MRPL2: variants seen among roughly 807,000 people sequenced by gnomAD.
MRPL2 encodes large ribosomal subunit protein uL2m.
A neutral mutation model predicts 34.6 loss-of-function variants in MRPL2; 27 were observed. The observed-to-expected ratio is 0.78, with a 90% CI of 0.58 to 1.08. MRPL2 has a LOEUF of 1.08. MRPL2 is among the 50% of genes least tolerant of loss of function. The probability of loss-of-function intolerance (pLI) is 0.00; values close to 1 mark genes in which losing one functional copy is unlikely to be tolerated. For synonymous variants in MRPL2, 155 were observed against 158.0 expected, an observed-to-expected ratio of 0.98 and a Z score of 0.14; for missense variants, 414 against 419.3, an observed-to-expected ratio of 0.99 and a Z score of 0.11.
In MRPL2 at chr6:43,055,532, T is replaced by C. The variant is rs1165150769; in HGVS notation, c.705+13A>G. 2 of 1,613,322 alleles carry C rather than the reference T, an allele frequency of 1.2e-6. No individual in the cohort carries two copies. The highest frequency in any genetic ancestry group is 2.7e-5 in the African/African-American group (2 of 74,884). On this transcript the variant is annotated intron_variant, in intron 6 of 6. Transcript: ENST00000388752. ...CTCCTTTGCTGACCCCTCCCATCCA[T>C]ACCCATACACACCTGCATCTGCCTC...
At chr6:43,055,172 G>A (rs1001162643) in intron 6 of MRPL2, among the ~76,000 whole-genome samples, 1 of 152,072 alleles carries the variant, frequency 6.6e-6, no homozygotes, top group African/African-American at 2.4e-5. Flanking sequence ...AGACCAGCCT[G>A]GCCAACATGG....
In MRPL2 at chr6:43,054,048, T is replaced by A; in HGVS notation, c.*226A>T. 1 of 644,820 alleles carries A rather than the reference T, an allele frequency of 1.6e-6. No homozygotes were observed. Among genetic ancestry groups the A allele is most frequent in the Admixed American group, 3.0e-5 (1 of 33,598 alleles). The allele number at this position is 644,820 out of a possible 1,614,324, so 39.9% of individuals were successfully genotyped here. A position where few individuals can be genotyped will look rare whatever the true frequency, so the allele number is the denominator to read the frequency against. ...GGAAAAGACCTTGGACGTCATTTAT[T>A]TCCATCCCCGGCTCCATTACTTGTA... On this transcript the variant is annotated 3_prime_UTR_variant, in exon 7 of 7. Transcript: ENST00000388752.
chr6:43,055,405 G>T, intron 6 of MRPL2, 140 bp downstream of exon 6: 1 of 759,984 alleles, frequency 1.3e-6, no homozygotes, highest in Non-Finnish European at 2.2e-6. Context: ...AAGCACACCT[G>T]AGTCATGTGG....
At chr6:43,058,307 C>A in intron 1 of MRPL2, 74 bp from the exon 2 acceptor site, 1 of 1,476,464 alleles carries the variant, frequency 6.8e-7, no homozygotes, top group Non-Finnish European at 9.3e-7. Flanking sequence ...AGGCAGAGGG[C>A]ACAGATCAAT....
At chr6:43,055,753 T>C (rs912741632) in intron 5 of MRPL2, 135 bp from the exon 6 acceptor site, 2 of 1,285,202 alleles carry the variant, frequency 1.6e-6, no homozygotes, top group Middle Eastern at 2.0e-4. Context: ...GCATGCTATG[T>C]TTTAGGTAAA....
intron 1 of MRPL2, among the ~76,000 whole-genome samples, chr6:43,058,611 G>T (rs1366790336): frequency 6.6e-6 from 1 of 152,192 alleles, no homozygotes; most frequent in Non-Finnish European, 1.5e-5. Flanking sequence ...CTTGTTCCTT[G>T]ATGTATTCCC....
In MRPL2 at chr6:43,056,409, T is replaced by C; in HGVS notation, c.302A>G (p.Lys101Arg). The C allele has an allele frequency of 1.2e-6, 2 of 1,614,156 alleles. No individual in the cohort carries two copies. The highest frequency in any genetic ancestry group is 1.7e-6 in the Non-Finnish European group (2 of 1,180,026). ...AAAGTCAATCATTCGATAACGTTGCTTGTGGCCCCCGCCAATACCATGCAC... is the reference window on the plus strand; with the variant it reads ...AAAGTCAATCATTCGATAACGTTGCCTGTGGCCCCCGCCAATACCATGCAC... Reference protein sequence around the residue: ...IRVHGIGGGHKQRYRMIDFLR... With the variant: ...IRVHGIGGGHRQRYRMIDFLR... Residue 101 changes from lysine to arginine, a missense_variant, in exon 3 of 7, where the codon AAG (lysine) becomes AGG (arginine). By Grantham distance (26) the Lys-to-Arg change is conservative. Transcript: ENST00000388752.
chr6:43,058,316 A>G (rs1764951234), intron 1 of MRPL2, 83 bp from the exon 2 acceptor site: 2 of 1,401,240 alleles, frequency 1.4e-6, no homozygotes, highest in East Asian at 4.6e-5. Flanking sequence ...GCACAGATCA[A>G]TTTTAGCTTG....
chr6:43,055,612 C>A lies in MRPL2; in HGVS notation c.638G>T (p.Cys213Phe). 6.2e-7 allele frequency: 1 copy of A among 1,614,110 alleles called. No individual in the cohort carries two copies. The highest frequency in any genetic ancestry group is 1.6e-4 in the Middle Eastern group (1 of 6,062). The change falls in exon 6 of 7, where the codon TGT becomes TTT. Residue 213 changes from cysteine to phenylalanine, a missense_variant. Transcript: ENST00000388752. Reference sequence around the variant, plus strand: ...ATTCACCTTCCGCAGTAGCACACCACACGTCCCTGGGGAAAGAAGCTGATT... The same window carrying A: ...ATTCACCTTCCGCAGTAGCACACCAAACGTCCCTGGGGAAAGAAGCTGATT... Reference protein sequence around the residue: ...GAQYIRAAGTCGVLLRKVNGT... With the variant: ...GAQYIRAAGTFGVLLRKVNGT...
intron 2 of MRPL2, among the ~76,000 whole-genome samples, chr6:43,057,199 T>C (rs1366988328): frequency 6.6e-6 from 1 of 151,970 alleles, no homozygotes; most frequent in Admixed American, 6.6e-5. Context: ...ATATACTTTT[T>C]GAGATGAGTC....
rs192442040 is a variant in MRPL2, at chr6:43,056,436, C to A, written c.275G>T (p.Arg92Leu). ...GTGGCCCCCGCCAATACCATGCACCCGGATTCGGCCTGTGGTTTAGGACAG... is the reference window on the plus strand; with the variant it reads ...GTGGCCCCCGCCAATACCATGCACCAGGATTCGGCCTGTGGTTTAGGACAG... ...SGGRDHTGRI[R>L]VHGIGGGHKQ... The change falls in exon 3 of 7, where the codon CGG becomes CTG. Residue 92 changes from arginine to leucine, a missense_variant. By Grantham distance (102) the Arg-to-Leu change is moderately radical. Transcript: ENST00000388752. 1.2e-6 allele frequency: 2 copies of A among 1,614,022 alleles called. No homozygotes were observed. Among genetic ancestry groups the A allele is most frequent in the African/African-American group, 1.3e-5 (1 of 74,896 alleles).
chr6:43,056,008 C>G lies in MRPL2; in HGVS notation c.521-1G>C. ...TGCGCATCCCCTTCCCGAGCAGCAA[C>G]TAAAAGACAGGATTTCATTAGCTCT... On this transcript the variant is annotated splice_acceptor_variant, in intron 4 of 6. Transcript: ENST00000388752. LOFTEE classifies it high-confidence loss of function. 2 of 1,614,182 alleles carry G rather than the reference C, an allele frequency of 1.2e-6. No homozygotes were observed. Among genetic ancestry groups the G allele is most frequent in the Non-Finnish European group, 8.5e-7 (1 of 1,180,042 alleles).
At chr6:43,057,137 A>C (rs572900936) in intron 2 of MRPL2, among the ~76,000 whole-genome samples, 51 of 151,926 alleles carry the variant, frequency 3.4e-4, no homozygotes, top group Admixed American at 1.9e-3. Flanking sequence ...TTGGCCTTCC[A>C]AAGTGTTGGG....
At chr6:43,056,226 C>T in intron 3 of MRPL2, 30 bp from the exon 4 acceptor site, 2 of 1,612,172 alleles carry the variant, frequency 1.2e-6, no homozygotes, top group Non-Finnish European at 1.7e-6. Context: ...GGTAAGCAGA[C>T]CGTCTAGGCA....
intron 2 of MRPL2, among the ~76,000 whole-genome samples, chr6:43,057,182 T>C (rs1299297154): frequency 6.6e-6 from 1 of 151,936 alleles, no homozygotes; most frequent in Admixed American, 6.6e-5. Context: ...CGGCCGGTTA[T>C]AAATATATAT....
In MRPL2 at chr6:43,058,110, T is replaced by C. The variant is rs141171843; in HGVS notation, c.220A>G (p.Ile74Val). 23 of 1,614,094 alleles carry C rather than the reference T, an allele frequency of 1.4e-5. No homozygotes were observed. The African/African-American group carries it at 2.0e-4, about 14-fold the overall frequency. The change falls in exon 2 of 7, where the codon ATT becomes GTT. Residue 74 changes from isoleucine (I) to valine (V), a missense_variant. Coordinates refer to ENST00000388752, the MANE Select transcript of MRPL2 (RefSeq NM_015950.5). ...GACTTCCTCATCTTCACTGGTGTAA[T>C]GGTGTACTTGGTACGACTCTTCCAG... ...VSWKSRTKYTITPVKMRKSGG... is the reference protein window; with the variant it reads ...VSWKSRTKYTVTPVKMRKSGG...
rs1452044867 is a variant in MRPL2 at position 43,059,378 on chromosome 6, C to G, written c.4G>C (p.Ala2Pro). The change falls in exon 1 of 7, where the codon GCC (alanine) becomes CCC (proline). Residue 2 changes from alanine to proline, a missense_variant. Ala to Pro is a conservative substitution (Grantham distance 27). Coordinates refer to ENST00000388752, the MANE Select transcript of MRPL2 (RefSeq NM_015950.5). Reference protein sequence around the residue: MALCALTRALRS... With the variant: MPLCALTRALRS... ...AGAGCGCGGGTCAGTGCGCACAGGG[C>G]CATCAGCACGACACCCTTACTTTTA... The G allele has an allele frequency of 6.5e-7, 1 of 1,548,184 alleles. No homozygotes were observed. The highest frequency in any genetic ancestry group is 8.7e-7 in the Non-Finnish European group (1 of 1,144,686).
At chr6:43,059,061 G>A (rs1764988872) in intron 1 of MRPL2, 4 of 1,379,070 alleles carry the variant, frequency 2.9e-6, no homozygotes, top group South Asian at 2.7e-5. Context: ...CTGCACAACC[G>A]GTGATCTGCA....
At chr6:43,056,767 C>A (rs555042602) in intron 2 of MRPL2, among the ~76,000 whole-genome samples, 1 of 151,150 alleles carries the variant, frequency 6.6e-6, no homozygotes, top group South Asian at 2.1e-4. Context: ...CTCCGCCTCC[C>A]GGGTTCACGC....
Sources: gnomAD v4.1 joint callset for allele counts (sites outside exome capture counted in the v4.1 genomes callset) on GRCh38, gnomAD v4.1.1 for gene constraint, MANE v1.5 for transcripts, NCBI Gene and HGNC (gene_info 2026-07-23, HGNC 2026-07-21) for gene names.